The following NRXN3 variants were observed in gnomAD, a reference collection of about 807,000 sequenced individuals.
The protein encoded by NRXN3 is neurexin 3, also known as neurexin III.
In NRXN3, 32 loss-of-function variants were observed where a neutral mutation model predicts 137.6. The ratio of observed to expected loss-of-function variants is 0.23; its 90% confidence interval spans 0.18 to 0.31. The LOEUF is 0.31. NRXN3 is among the 10% of genes least tolerant of loss of function. The probability of loss-of-function intolerance (pLI) is 1.00; values close to 1 mark genes in which losing one functional copy is unlikely to be tolerated. For synonymous variants in NRXN3, 798 were observed against 784.5 expected, an observed-to-expected ratio of 1.02 and a Z score of -0.29; for missense variants, 1,574 against 2,062.5, an observed-to-expected ratio of 0.76 and a Z score of 4.59.
intron 4 of NRXN3, among the ~76,000 whole-genome samples, chr14:78,509,714 A>G (rs768852876): frequency 8.5e-5 from 13 of 152,126 alleles, no homozygotes; most frequent in Non-Finnish European, 1.6e-4. Context: ...CAAAGGGGAC[A>G]TGGGTCTCTA....
At chr14:78,196,666 G>C (rs892206353) in intron 1 of NRXN3, among the ~76,000 whole-genome samples, 3 of 152,134 alleles carry the variant, frequency 2.0e-5, no homozygotes, top group African/African-American at 7.2e-5. Flanking sequence ...TGGTTCAGAG[G>C]GCAGACAAGG....
intron 16 of NRXN3, among the ~76,000 whole-genome samples, chr14:79,531,728 G>T (rs10483925): frequency 0.036 from 5,520 of 152,238 alleles, 312 homozygotes; most frequent in African/African-American, 0.12. Flanking sequence ...TTCGGACCAT[G>T]ATATCCAGTT....
At chr14:79,388,273 C>T (rs1296341963) in intron 15 of NRXN3, among the ~76,000 whole-genome samples, 1 of 152,124 alleles carries the variant, frequency 6.6e-6, no homozygotes, top group Non-Finnish European at 1.5e-5. Context: ...CATGTTTATT[C>T]AGCCTGCAGA....
chr14:79,405,395 G>A (rs942863471), intron 15 of NRXN3, among the ~76,000 whole-genome samples: 2 of 152,128 alleles, frequency 1.3e-5, no homozygotes, highest in Non-Finnish European at 2.9e-5. Flanking sequence ...TCTGGAGACA[G>A]ATGGAAGCAA....
chr14:79,063,529 C>A (rs143871534), intron 15 of NRXN3, among the ~76,000 whole-genome samples: 1,895 of 152,254 alleles, frequency 0.012, 34 homozygotes, highest in African/African-American at 0.04. Flanking sequence ...GGTGATGTAC[C>A]TGCCTTGGCC....
At chr14:78,984,291 G>A (rs901430915) in intron 14 of NRXN3, among the ~76,000 whole-genome samples, 13 of 152,094 alleles carry the variant, frequency 8.5e-5, no homozygotes, top group East Asian at 3.9e-4. Flanking sequence ...TTACCATTCC[G>A]TGTTGTAAGC....
intron 4 of NRXN3, among the ~76,000 whole-genome samples, chr14:78,371,831 A>C (rs1320688686): frequency 6.6e-6 from 1 of 152,240 alleles, no homozygotes; most frequent in Non-Finnish European, 1.5e-5. Context: ...TTGTATAGTG[A>C]TAAGTATGCA....
rs560141033 is a variant in NRXN3, at chr14:79,325,309, T to C, written c.3263-141912T>C. 5.9e-5 allele frequency among the ~76,000 whole-genome samples: 9 copies of C among 152,248 alleles called. No individual in the cohort carries two copies. The South Asian group carries it at 8.3e-4, about 14-fold the overall frequency. Reference sequence around the variant, plus strand: ...CTAGGCCAGCAAGCTAAGAAAAACATTGTGCCATGCTAGTATTGACAAGGT... The same window carrying C: ...CTAGGCCAGCAAGCTAAGAAAAACACTGTGCCATGCTAGTATTGACAAGGT... On this transcript the variant is annotated intron_variant, in intron 15 of 20. Transcript: ENST00000335750.
At chr14:79,500,384 AG>A (rs1567304563) in intron 16 of NRXN3, among the ~76,000 whole-genome samples, 1 of 152,184 alleles carries the variant, frequency 6.6e-6, no homozygotes, top group East Asian at 1.9e-4. Flanking sequence ...ATACTGAAAA[AG>A]ACTGGGCTGG....
intron 2 of NRXN3, among the ~76,000 whole-genome samples, chr14:78,267,158 A>G (rs2071893403): frequency 6.6e-6 from 1 of 152,236 alleles, no homozygotes; most frequent in Non-Finnish European, 1.5e-5. Flanking sequence ...TGTGCTGAGC[A>G]TGGTGTCAGG....
At chr14:79,413,495 A>C (rs1393714755) in intron 15 of NRXN3, among the ~76,000 whole-genome samples, 1 of 152,076 alleles carries the variant, frequency 6.6e-6, no homozygotes, top group African/African-American at 2.4e-5. Flanking sequence ...ACATGATAAG[A>C]GTTCCACAGT....
chr14:78,753,727 G>C lies in NRXN3; in HGVS notation c.2044+38588G>C, dbSNP rs929345801. 5 of 152,348 alleles carry C rather than the reference G, an allele frequency of 3.3e-5. 1 individual carries two copies. Among genetic ancestry groups the C allele is most frequent in the Middle Eastern group, 6.8e-3 (2 of 294 alleles). 9.4% of individuals were successfully genotyped at this position (152,348 alleles called of 1,614,324 possible). A position where few individuals can be genotyped will look rare whatever the true frequency, so the allele number is the denominator to read the frequency against. ...CTTAGAGCAGTGGGTAACTTACCCAGGTTGAAATTGGCAGAGCTGAGGTCC... is the reference window on the plus strand; with the variant it reads ...CTTAGAGCAGTGGGTAACTTACCCACGTTGAAATTGGCAGAGCTGAGGTCC... On this transcript the variant is annotated intron_variant, in intron 8 of 20. Transcript: ENST00000335750.
chr14:78,284,110 A>G (rs1037260691), intron 3 of NRXN3, among the ~76,000 whole-genome samples: 1 of 152,184 alleles, frequency 6.6e-6, no homozygotes, highest in African/African-American at 2.4e-5. Context: ...GTGAAAGGAA[A>G]ATAAATCTTG....
intron 19 of NRXN3, among the ~76,000 whole-genome samples, chr14:79,799,621 G>A (rs1282871964): frequency 1.3e-5 from 2 of 152,122 alleles, no homozygotes; most frequent in Non-Finnish European, 2.9e-5. Context: ...AATAAACCGT[G>A]TTTTAGACCT....
rs1460911002 is a variant in NRXN3 at position 78,686,382 on chromosome 14, G to C, written c.1222-22835G>C. Among the ~76,000 whole-genome samples, 10 of 152,210 alleles carry C rather than the reference G, an allele frequency of 6.6e-5. 1 individual carries two copies. The East Asian group carries it at 1.9e-3, about 29-fold the overall frequency. On this transcript the variant is annotated intron_variant, in intron 6 of 20. Coordinates refer to ENST00000335750, the MANE Select transcript of NRXN3 (RefSeq NM_001330195.2). ...AAAAGACTTTATCAGGACTTGTCAG[G>C]AGCTCTTGGATTCTGCCAAGACAGC...
chr14:78,235,356 G>A (rs1403986320), intron 1 of NRXN3, among the ~76,000 whole-genome samples: 2 of 151,946 alleles, frequency 1.3e-5, no homozygotes, highest in South Asian at 4.2e-4. Context: ...GATCAGGCCT[G>A]ACCTCCCACA....
intron 15 of NRXN3, among the ~76,000 whole-genome samples, chr14:79,217,141 A>AAAAGAAAGAAAGAAAGAAAGAAAG (rs34660488): frequency 2.4e-4 from 36 of 149,708 alleles, no homozygotes; most frequent in African/African-American, 4.7e-4. Context: ...TGTCTCAAAA[A>AAAAGAAAGAAAGAAAGAAAGAAAG]AAAGAAAGAA....
At position 78,243,534 on chromosome 14, in the gene NRXN3, G is replaced by T; in HGVS notation, c.441G>T (p.Leu147Phe). The T allele has an allele frequency of 6.3e-7, 1 of 1,597,314 alleles. No individual in the cohort carries two copies. Among genetic ancestry groups the T allele is most frequent in the African/African-American group, 1.3e-5 (1 of 75,040 alleles). The change falls in exon 2 of 21, where the codon TTG becomes TTT. Residue 147 changes from leucine to phenylalanine, a missense_variant. By Grantham distance (22) the Leu-to-Phe change is conservative (BLOSUM62 0). Transcript: ENST00000335750. The surrounding 1 kb of genome is among the most constrained non-coding windows in gnomAD (Gnocchi z 4.2). The stretch of plus-strand genomic sequence containing the variant: ...CCTACATGGATGTGGTCAGTGACTT[G>T]TTCCTTGGTGGAGTCCCTACTGACA... ...QRPYMDVVSD[L>F]FLGGVPTDIR...
chr14:78,263,873 TTGTGTGTGTGTGTGTG>T lies in NRXN3; in HGVS notation c.710-14734_710-14719del, dbSNP rs3059009. ...ATTTTTAGCTGCTGTCAGTTCTATT[TTGTGTGTGTGTGTGTG>T]TGTGTGTGTGTGTGTGTGTGTGTGT... is the stretch of plus-strand genomic sequence containing the variant. On this transcript the variant is annotated intron_variant, in intron 2 of 20. Transcript: ENST00000335750. Among the ~76,000 whole-genome samples the T allele has an allele frequency of 4.0e-3, 538 of 135,636 alleles. 3 individuals carry two copies. The highest frequency in any genetic ancestry group is 0.012 in the African/African-American group (427 of 35,520). 89.0% of individuals were successfully genotyped at this position (135,636 alleles called of 152,430 possible).
Sources: gnomAD v4.1 joint callset for allele counts (sites outside exome capture counted in the v4.1 genomes callset) on GRCh38, gnomAD v4.1.1 for gene constraint, Gnocchi (gnomAD v3.1) non-coding constraint, MANE v1.5 for transcripts, NCBI Gene and HGNC (gene_info 2026-07-23, HGNC 2026-07-21) for gene names.